Variants in TMEM129 observed in about 807,000 individuals in gnomAD.
The protein encoded by TMEM129 is E3 ubiquitin-protein ligase TM129.
In TMEM129, 35 loss-of-function variants were observed where a neutral mutation model predicts 34.1. The observed-to-expected ratio is 1.03, with a 90% confidence interval of 0.78 to 1.36. TMEM129 has a LOEUF of 1.36. Among genes scored for constraint, TMEM129 ranks in the 40% most tolerant of loss-of-function variants. The pLI is 0.00. For missense variants in TMEM129, 504 were observed against 512.6 expected (o/e 0.98, Z 0.16); for synonymous variants, 239 against 217.3 (o/e 1.10, Z -0.88).
intron 1 of TMEM129, 105 bp from the exon 2 acceptor site, chr4:1,718,731 C>T (rs1717119119): frequency 1.4e-6 from 2 of 1,421,592 alleles, no homozygotes; most frequent in Middle Eastern, 2.6e-4. Flanking sequence ...GGGTCAGCTC[C>T]CAGGGTAATT....
intron 2 of TMEM129, 60 bp from the exon 3 acceptor site, chr4:1,717,735 T>G (rs1717045823): frequency 6.9e-7 from 1 of 1,452,390 alleles, no homozygotes; most frequent in African/African-American, 1.4e-5. Context: ...AGATGGAGGC[T>G]ACACCCCAAG....
At position 1,720,356 on chromosome 4, in the gene TMEM129, G is replaced by A. The variant is rs1443138069; in HGVS notation, c.205+277C>T. Among the ~76,000 whole-genome samples, 1 of 152,252 alleles carries A rather than the reference G, an allele frequency of 6.6e-6. No homozygotes were observed. The highest frequency in any genetic ancestry group is 1.5e-5 in the Non-Finnish European group (1 of 68,038). On this transcript the variant is annotated intron_variant, in intron 1 of 3. Transcript: ENST00000382936. The surrounding 1 kb of genome is among the most constrained non-coding windows in gnomAD (Gnocchi z 4.4). Reference sequence around the variant, plus strand: ...CGACAAGCAAGGGCTGCTTGGCCTTGCAACCCCCAGGCACGTGACGGTTCA... The same window carrying A: ...CGACAAGCAAGGGCTGCTTGGCCTTACAACCCCCAGGCACGTGACGGTTCA...
intron 2 of TMEM129, 167 bp from the exon 3 acceptor site, chr4:1,717,842 GGGA>G: frequency 9.8e-7 from 1 of 1,021,924 alleles, no homozygotes; most frequent in Non-Finnish European, 1.4e-6. Context: ...GCCTGGGCAC[GGGA>G]CGGACCTAGG....
chr4:1,718,925 G>A, intron 1 of TMEM129: 1 of 1,276,610 alleles, frequency 7.8e-7, no homozygotes, highest in Non-Finnish European at 1.0e-6. Flanking sequence ...ACCTCAGGCA[G>A]AGCTGACCCC....
At position 1,718,583 on chromosome 4, in the gene TMEM129, G is replaced by A; in HGVS notation, c.249C>T (p.Leu83=). 6.8e-7 allele frequency: 1 copy of A among 1,464,116 alleles called. No individual in the cohort carries two copies. Among genetic ancestry groups the A allele is most frequent in the Non-Finnish European group, 9.0e-7 (1 of 1,106,728 alleles). 90.7% of individuals were successfully genotyped at this position (1,464,116 alleles called of 1,614,324 possible). A position where few individuals can be genotyped will look rare whatever the true frequency, so the allele number is the denominator to read the frequency against. Residue 83 remains leucine, a synonymous_variant, in exon 2 of 4, where the codon CTC becomes CTT. Transcript: ENST00000382936. The part of the protein sequence containing the change: ...GMCLAASEKR[L]HALSQAPEAW... ...CCTCAGGGGCCTGGCTGAGGGCGTG[G>A]AGCCGCTTTTCTGAAGCCGCAAGGC...
At position 1,720,773 on chromosome 4, in the gene TMEM129, G is replaced by C. The variant is rs1337904370; in HGVS notation, c.65C>G (p.Thr22Arg). The change falls in exon 1 of 4, where the codon ACG becomes AGG. Residue 22 changes from threonine to arginine, a missense_variant. Coordinates refer to ENST00000382936, the MANE Select transcript of TMEM129 (RefSeq NM_001127266.2). This position sits in a 1 kb window ranked among gnomAD's most constrained non-coding sequence, Gnocchi z 4.4. ...CCCCGCCGCGTGGAACTCGTTGGGC[G>C]TGAACACGAAGCACACGGCGAACAC... ...YLVFAVCFVF[T>R]PNEFHAAGLT... The C allele has an allele frequency of 1.3e-6, 2 of 1,593,022 alleles. No homozygotes were observed. Among genetic ancestry groups the C allele is most frequent in the Non-Finnish European group, 1.7e-6 (2 of 1,171,168 alleles).
In TMEM129 at chr4:1,720,944, G is replaced by A. The variant is rs1369403785; in HGVS notation, c.-107C>T. ...CGGTTGCGGCGGCCGCCGCCCGGCC[G>A]CCCGCGGGGCACTCTAGGACATGGA... On this transcript the variant is annotated 5_prime_UTR_variant, in exon 1 of 4. Coordinates refer to ENST00000382936, the MANE Select transcript of TMEM129 (RefSeq NM_001127266.2). The surrounding 1 kb of genome is among the most constrained non-coding windows in gnomAD (Gnocchi z 4.4). 3 of 908,388 alleles carry A rather than the reference G, an allele frequency of 3.3e-6. No homozygotes were observed. The African/African-American group carries it at 5.4e-5, about 16-fold the overall frequency. 56.3% of individuals were successfully genotyped at this position (908,388 alleles called of 1,614,324 possible).
chr4:1,720,560 G>T lies in TMEM129; in HGVS notation c.205+73C>A, dbSNP rs1717256005. 7.5e-6 allele frequency: 11 copies of T among 1,460,558 alleles called. No individual in the cohort carries two copies. Among genetic ancestry groups the T allele is most frequent in the Non-Finnish European group, 9.1e-6 (10 of 1,104,226 alleles). The allele number at this position is 1,460,558 out of a possible 1,614,324, so 90.5% of individuals were successfully genotyped here. ...GCTTTCGGGGCCTCGGGGAGCTGGC[G>T]GAGGCCTCCTCCTGACCTCCCAGCA... On this transcript the variant is annotated intron_variant, in intron 1 of 3. Transcript: ENST00000382936. The surrounding 1 kb of genome is among the most constrained non-coding windows in gnomAD (Gnocchi z 4.4).
Position 1,717,784 on chromosome 4 carries a change from G to A in TMEM129, c.681-109C>T, listed in dbSNP as rs1433947136. ...GCTGTCGCACCAGGACCAACCAGGA[G>A]AGATGGCCCTAAGGCCAGAGCCCAC... On this transcript the variant is annotated intron_variant, in intron 2 of 3. Transcript: ENST00000382936. The A allele has an allele frequency of 2.9e-6, 4 of 1,389,870 alleles. No homozygotes were observed. The African/African-American group carries it at 5.8e-5, about 20-fold the overall frequency. The allele number at this position is 1,389,870 out of a possible 1,614,324, so 86.1% of individuals were successfully genotyped here.
At chr4:1,719,821 C>A (rs1717189404) in intron 1 of TMEM129, among the ~76,000 whole-genome samples, 1 of 152,208 alleles carries the variant, frequency 6.6e-6, no homozygotes, top group African/African-American at 2.4e-5. Flanking sequence ...TGAGGCAGGC[C>A]TGGGCGCCTC....
intron 2 of TMEM129, 53 bp from the exon 3 acceptor site, chr4:1,717,728 T>C: frequency 6.9e-7 from 1 of 1,453,618 alleles, no homozygotes; most frequent in Non-Finnish European, 9.1e-7. Flanking sequence ...GAGCGGAAGA[T>C]GGAGGCTACA....
At chr4:1,718,765 C>G in intron 1 of TMEM129, 139 bp from the exon 2 acceptor site, 1 of 1,409,304 alleles carries the variant, frequency 7.1e-7, no homozygotes, top group South Asian at 1.7e-5. Context: ...TCTGCACTTC[C>G]CCAGCCGGCC....
Position 1,720,783 on chromosome 4 carries a change from A to G in TMEM129, c.55T>C (p.Phe19Leu). Residue 19 changes from phenylalanine to leucine, a missense_variant, in exon 1 of 4, where the codon TTC becomes CTC. By Grantham distance (22) the Phe-to-Leu change is conservative (BLOSUM62 0). Transcript: ENST00000382936. The surrounding 1 kb of genome is among the most constrained non-coding windows in gnomAD (Gnocchi z 4.4). The part of the protein sequence containing the change: ...TLAYLVFAVC[F>L]VFTPNEFHAA... ...TGGAACTCGTTGGGCGTGAACACGA[A>G]GCACACGGCGAACACCAGATAGGCG... is the stretch of plus-strand genomic sequence containing the variant. The G allele has an allele frequency of 6.3e-7, 1 of 1,595,412 alleles. No individual in the cohort carries two copies. The highest frequency in any genetic ancestry group is 2.3e-5 in the East Asian group (1 of 43,364).
chr4:1,718,343 A>G lies in TMEM129; in HGVS notation c.489T>C (p.Arg163=). The G allele has an allele frequency of 2.5e-6, 4 of 1,613,406 alleles. No homozygotes were observed. The highest frequency in any genetic ancestry group is 3.4e-6 in the Non-Finnish European group (4 of 1,179,886). ...DKFATGAPGA[R]VIVTDTWVMK... Reference sequence around the variant, plus strand: ...TCACCCACGTGTCTGTCACAATCACACGGGCACCTGGTGCACCGGTGGCAA... The same window carrying G: ...TCACCCACGTGTCTGTCACAATCACGCGGGCACCTGGTGCACCGGTGGCAA... Residue 163 remains arginine, a synonymous_variant, in exon 2 of 4, where the codon CGT becomes CGC. Transcript: ENST00000382936.
Position 1,720,508 on chromosome 4 carries a change from G to T in TMEM129, c.205+125C>A. 1 of 1,245,156 alleles carries T rather than the reference G, an allele frequency of 8.0e-7. No homozygotes were observed. Among genetic ancestry groups the T allele is most frequent in the Non-Finnish European group, 1.1e-6 (1 of 928,210 alleles). 77.1% of individuals were successfully genotyped at this position (1,245,156 alleles called of 1,614,324 possible). A position where few individuals can be genotyped will look rare whatever the true frequency, so the allele number is the denominator to read the frequency against. On this transcript the variant is annotated intron_variant, in intron 1 of 3. Coordinates refer to ENST00000382936, the MANE Select transcript of TMEM129 (RefSeq NM_001127266.2). The surrounding 1 kb of genome is among the most constrained non-coding windows in gnomAD (Gnocchi z 4.4). The stretch of plus-strand genomic sequence containing the variant: ...GCCGCGGTCCCTCTGGATGAGGACC[G>T]GCGCCTCTCCCCAGCTGCGCCCAGG...
At chr4:1,717,735 T>TACACCCCA in intron 2 of TMEM129, 60 bp from the exon 3 acceptor site, 1 of 1,452,510 alleles carries the variant, frequency 6.9e-7, no homozygotes, top group Non-Finnish European at 9.1e-7. Flanking sequence ...AGATGGAGGC[T>TACACCCCA]ACACCCCAAG....
chr4:1,719,123 G>A (rs931581385), intron 1 of TMEM129: 17 of 1,113,548 alleles, frequency 1.5e-5, no homozygotes, highest in East Asian at 5.8e-5. Flanking sequence ...TGGCCAGATC[G>A]AGGACAATTT....
In TMEM129 at chr4:1,717,644, C is replaced by T. The variant is rs1042861786; in HGVS notation, c.712G>A (p.Glu238Lys). 14 of 1,542,776 alleles carry T rather than the reference C, an allele frequency of 9.1e-6. No individual in the cohort carries two copies. Among genetic ancestry groups the T allele is most frequent in the Admixed American group, 2.0e-5 (1 of 50,038 alleles). ...LNSTEYGELC[E>K]KLRAPIRRAA... ...CTGCGGATGGGTGCCCGGAGCTTCT[C>T]GCAGAGCTCCCCGTACTCAGTGGAG... Residue 238 changes from glutamate (E) to lysine (K), a missense_variant, in exon 3 of 4, where the codon GAG becomes AAG. Coordinates refer to ENST00000382936, the MANE Select transcript of TMEM129 (RefSeq NM_001127266.2).
rs1717314139 is a variant in TMEM129, at chr4:1,721,112, G to C, written c.-275C>G. ...GGGCATGGAGTCCCGCCGCTCGGCC[G>C]CTCGCGGGGCGCTCTGGGAGATGCA... On this transcript the variant is annotated 5_prime_UTR_variant, in exon 1 of 4. Coordinates refer to ENST00000382936, the MANE Select transcript of TMEM129 (RefSeq NM_001127266.2). 3.9e-6 allele frequency: 1 copy of C among 256,698 alleles called. No individual in the cohort carries two copies. The highest frequency in any genetic ancestry group is 1.7e-4 in the South Asian group (1 of 6,012). The allele number at this position is 256,698 out of a possible 1,614,324, so 15.9% of individuals were successfully genotyped here. A position where few individuals can be genotyped will look rare whatever the true frequency, so the allele number is the denominator to read the frequency against.
Sources: gnomAD v4.1 joint callset for allele counts (sites outside exome capture counted in the v4.1 genomes callset) on GRCh38, gnomAD v4.1.1 for gene constraint, Gnocchi (gnomAD v3.1) non-coding constraint, MANE v1.5 for transcripts, NCBI Gene and HGNC (gene_info 2026-07-23, HGNC 2026-07-21) for gene names.